Variants in ZNF385D observed in about 807,000 individuals in gnomAD.
ZNF385D encodes zinc finger protein 659.
ZNF385D carries 15 observed loss-of-function variants against 35.8 expected under a neutral mutation model. That is an observed-to-expected ratio of 0.42 (90% confidence interval 0.28 to 0.64). ZNF385D has a LOEUF of 0.64. Among genes scored for constraint, ZNF385D ranks in the 30% least tolerant of loss-of-function variants. ZNF385D has a pLI of 0.23. For synonymous variants in ZNF385D, 212 were observed against 186.8 expected (o/e 1.13, Z -1.10); for missense variants, 474 against 494.6 (o/e 0.96, Z 0.39).
At chr3:21,561,494 C>T (rs1403532481) in intron 3 of ZNF385D, among the ~76,000 whole-genome samples, 1 of 152,204 alleles carries the variant, frequency 6.6e-6, no homozygotes, top group Non-Finnish European at 1.5e-5. Flanking sequence ...CAACCAGTCC[C>T]AATGAGATGA....
intron 1 of ZNF385D, among the ~76,000 whole-genome samples, chr3:21,729,068 T>G (rs978265971): frequency 5.9e-5 from 9 of 152,192 alleles, no homozygotes; most frequent in African/African-American, 2.2e-4. Context: ...TGTTCTGTAA[T>G]GCCTGTATTC....
At chr3:21,997,797 A>G (rs1695561306) in intron 3 of ZNF385D, among the ~76,000 whole-genome samples, 1 of 151,646 alleles carries the variant, frequency 6.6e-6, no homozygotes, top group Non-Finnish European at 1.5e-5. Context: ...GGAATTCTTA[A>G]CTCAAAGTCT....
chr3:21,705,170 T>C (rs1212187046), intron 1 of ZNF385D, among the ~76,000 whole-genome samples: 2 of 152,234 alleles, frequency 1.3e-5, no homozygotes, highest in Admixed American at 1.3e-4. Flanking sequence ...TTATAAAATA[T>C]TGTATGAACC....
chr3:22,258,417 TACATTTGTTGC>T (rs1466538078), intron 2 of ZNF385D, among the ~76,000 whole-genome samples: 6 of 151,806 alleles, frequency 4.0e-5, no homozygotes, highest in African/African-American at 9.7e-5. Context: ...GTGAAACAAA[TACATTTGTTGC>T]TATTTTGGAA....
At chr3:21,851,787 T>C (rs533562926) in intron 3 of ZNF385D, among the ~76,000 whole-genome samples, 1 of 152,080 alleles carries the variant, frequency 6.6e-6, no homozygotes, top group Non-Finnish European at 1.5e-5. Context: ...GTCTGTAGTC[T>C]CTCATTTTAT....
At chr3:21,928,263 AAGGAAGGAAGGAAGAG>A (rs1700834611) in intron 3 of ZNF385D, among the ~76,000 whole-genome samples, 1 of 142,306 alleles carries the variant, frequency 7.0e-6, no homozygotes, top group South Asian at 2.5e-4. Context: ...AGGAAGAAGG[AAGGAAGGAAGGAAGAG>A]AGGAAGGAAG....
intron 3 of ZNF385D, among the ~76,000 whole-genome samples, chr3:21,882,656 A>C (rs1046997285): frequency 6.6e-6 from 1 of 152,008 alleles, no homozygotes; most frequent in Non-Finnish European, 1.5e-5. Context: ...TTTTAACAAG[A>C]TCCCCTGATT....
chr3:21,590,862 A>G (rs1239530500), intron 2 of ZNF385D, among the ~76,000 whole-genome samples: 2 of 152,290 alleles, frequency 1.3e-5, no homozygotes, highest in Non-Finnish European at 2.9e-5. Context: ...GCATCTTTAT[A>G]TTACATGCTG....
intron 2 of ZNF385D, among the ~76,000 whole-genome samples, chr3:21,652,983 A>T (rs2065963216): frequency 6.6e-6 from 1 of 151,968 alleles, no homozygotes; most frequent in African/African-American, 2.4e-5. Context: ...TACCTCTTCC[A>T]GTGTCACTCA....
chr3:22,061,928 A>T (rs1699707170), intron 3 of ZNF385D, among the ~76,000 whole-genome samples: 1 of 152,234 alleles, frequency 6.6e-6, no homozygotes, highest in Non-Finnish European at 1.5e-5. Flanking sequence ...TGGTTGCTTC[A>T]TCCCCAGCAC....
intron 3 of ZNF385D, among the ~76,000 whole-genome samples, chr3:21,926,377 T>C (rs1052150996): frequency 2.0e-5 from 3 of 152,160 alleles, no homozygotes; most frequent in Non-Finnish European, 4.4e-5. Context: ...AGTGAGAACA[T>C]GCAGTGTTTG....
chr3:21,746,506 A>G (rs971735464), intron 1 of ZNF385D, among the ~76,000 whole-genome samples: 5 of 152,200 alleles, frequency 3.3e-5, no homozygotes, highest in Non-Finnish European at 5.9e-5. Flanking sequence ...TTCTGATAGT[A>G]TTCACCTGTT....
chr3:21,550,994 T>C (rs2062549708), intron 3 of ZNF385D, among the ~76,000 whole-genome samples: 1 of 152,218 alleles, frequency 6.6e-6, no homozygotes, highest in South Asian at 2.1e-4. Context: ...AGTTCAATAA[T>C]ATGAATTTCT....
intron 3 of ZNF385D, among the ~76,000 whole-genome samples, chr3:21,903,126 G>A (rs765565597): frequency 6.6e-6 from 1 of 152,116 alleles, no homozygotes; most frequent in Non-Finnish European, 1.5e-5. Context: ...ATGACTTGCG[G>A]TCTTGAGACC....
chr3:21,739,196 C>G (rs1454214520), intron 1 of ZNF385D, among the ~76,000 whole-genome samples: 1 of 152,188 alleles, frequency 6.6e-6, no homozygotes, highest in East Asian at 1.9e-4. Flanking sequence ...CTAGTCACTA[C>G]CGAAAAGTCA....
chr3:22,371,848 G>A (rs1007428353), intron 2 of ZNF385D, among the ~76,000 whole-genome samples: 1 of 152,106 alleles, frequency 6.6e-6, no homozygotes, highest in Non-Finnish European at 1.5e-5. Flanking sequence ...TCCTTGGAGG[G>A]ACGCTTCATA....
At chr3:22,028,703 G>T (rs964943628) in intron 3 of ZNF385D, among the ~76,000 whole-genome samples, 1 of 152,176 alleles carries the variant, frequency 6.6e-6, no homozygotes, top group African/African-American at 2.4e-5. Context: ...ACACAGCATT[G>T]CCTCAGACCA....
intron 3 of ZNF385D, among the ~76,000 whole-genome samples, chr3:22,151,833 C>T (rs1245515570): frequency 6.6e-6 from 1 of 152,028 alleles, no homozygotes; most frequent in African/African-American, 2.4e-5. Context: ...GAAGAAAATT[C>T]AATTTACCTC....
At chr3:21,761,827 G>A (rs1295593781) in intron 3 of ZNF385D, among the ~76,000 whole-genome samples, 2 of 141,106 alleles carry the variant, frequency 1.4e-5, no homozygotes, top group African/African-American at 5.2e-5. Context: ...TAAATTTAAA[G>A]TCATAATGGC....
Sources: allele counts gnomAD v4.1 joint callset (sites outside exome capture counted in the v4.1 genomes callset), GRCh38; gene constraint gnomAD v4.1.1; transcripts MANE v1.5; gene names NCBI Gene and HGNC (gene_info 2026-07-23, HGNC 2026-07-21).